RERG: variants seen among roughly 807,000 people sequenced by gnomAD.
The protein encoded by RERG is ras-related and estrogen-regulated growth inhibitor.
RERG carries 25 observed loss-of-function variants against 23.2 expected under a neutral mutation model. The observed-to-expected ratio is 1.08, with a 90% confidence interval of 0.79 to 1.50. The LOEUF (loss-of-function observed/expected upper bound fraction) is 1.50. Ranked by LOEUF, RERG falls within the 40% of genes most tolerant of loss-of-function variation. The pLI is 0.00. For missense variants in RERG, 253 were observed against 250.1 expected (o/e 1.01, Z -0.08); for synonymous variants, 81 against 89.1 (o/e 0.91, Z 0.51).
At chr12:15,195,997 C>T (rs192435235) in intron 2 of RERG, among the ~76,000 whole-genome samples, 30 of 152,252 alleles carry the variant, frequency 2.0e-4, no homozygotes, top group African/African-American at 7.2e-4. Context: ...CAATGGTTTG[C>T]ATATGTGCCC....
chr12:15,139,316 T>C (rs1479093672), intron 2 of RERG, among the ~76,000 whole-genome samples: 1 of 152,114 alleles, frequency 6.6e-6, no homozygotes, highest in Non-Finnish European at 1.5e-5. Context: ...TTTTTTTACC[T>C]TTCCATATAA....
chr12:15,185,044 C>T (rs1056582662), intron 2 of RERG, among the ~76,000 whole-genome samples: 1 of 152,166 alleles, frequency 6.6e-6, no homozygotes, highest in East Asian at 1.9e-4. Flanking sequence ...CACTTCATTC[C>T]TATGCAGGCA....
chr12:15,144,178 G>T (rs1864290124), intron 2 of RERG, among the ~76,000 whole-genome samples: 2 of 152,184 alleles, frequency 1.3e-5, no homozygotes, highest in Admixed American at 1.3e-4. Flanking sequence ...AAGAAAGACT[G>T]CAGGAAAAGC....
At chr12:15,178,685 G>A (rs999844919) in intron 2 of RERG, among the ~76,000 whole-genome samples, 2 of 152,066 alleles carry the variant, frequency 1.3e-5, no homozygotes, top group African/African-American at 4.8e-5. Context: ...TAAATTAAAT[G>A]ACTGCACTGA....
chr12:15,163,413 C>T (rs1864642109), intron 2 of RERG, among the ~76,000 whole-genome samples: 1 of 152,026 alleles, frequency 6.6e-6, no homozygotes, highest in African/African-American at 2.4e-5. Flanking sequence ...AACTAAGATT[C>T]GACATGAATG....
intron 3 of RERG, chr12:15,112,256 C>A (rs12815808): frequency 6.6e-6 from 1 of 152,004 alleles, no homozygotes; most frequent in South Asian, 2.1e-4. Flanking sequence ...TGTAAAACTA[C>A]GAGAAACTCT....
intron 2 of RERG, among the ~76,000 whole-genome samples, chr12:15,126,727 T>C (rs1326389354): frequency 6.9e-6 from 1 of 145,292 alleles, no homozygotes; most frequent in Non-Finnish European, 1.5e-5. Context: ...TTTCTTTCTT[T>C]TTTTTTTTTT....
At chr12:15,110,463 C>CTTTTTTTTTTTTTTTTTTTTTTT (rs869218147) in intron 4 of RERG, among the ~76,000 whole-genome samples, 1 of 73,080 alleles carries the variant, frequency 1.4e-5, no homozygotes, top group Non-Finnish European at 2.4e-5. Flanking sequence ...CCATTTTTTT[C>CTTTTTTTTTTTTTTTTTTTTTTT]TTTTTTTTTT....
intron 2 of RERG, among the ~76,000 whole-genome samples, chr12:15,175,331 C>CTGTG (rs1231946873): frequency 6.4e-5 from 7 of 109,374 alleles, no homozygotes; most frequent in Non-Finnish European, 1.2e-4. Context: ...TACTCTCAGG[C>CTGTG]TCTGTGTGTG....
intron 2 of RERG, among the ~76,000 whole-genome samples, chr12:15,177,560 C>T (rs1455946541): frequency 6.6e-6 from 1 of 152,134 alleles, no homozygotes; most frequent in Admixed American, 6.5e-5. Flanking sequence ...AATAGAATAC[C>T]TCAAAATCTC....
At chr12:15,178,972 C>A (rs1194650852) in intron 2 of RERG, among the ~76,000 whole-genome samples, 4 of 152,126 alleles carry the variant, frequency 2.6e-5, no homozygotes, top group Non-Finnish European at 5.9e-5. Flanking sequence ...AAATCCTAAC[C>A]TATTACTTTC....
At position 15,137,879 on chromosome 12, in the gene RERG, C is replaced by T. The variant is rs762898039; in HGVS notation, c.62-16760G>A. ...TGCTCTTCCTTTCTTTAAGTACAAT[C>T]CAGTTTCTGAGATGTATCATTCTCC... is the stretch of plus-strand genomic sequence containing the variant. On this transcript the variant is annotated intron_variant, in intron 2 of 4. Transcript: ENST00000256953. 31 of 447,680 alleles carry T rather than the reference C, an allele frequency of 6.9e-5. 1 individual carries two copies. Among genetic ancestry groups the T allele is most frequent in the Non-Finnish European group, 1.0e-4 (23 of 222,704 alleles). The allele number at this position is 447,680 out of a possible 1,614,324, so 27.7% of individuals were successfully genotyped here. A position where few individuals can be genotyped will look rare whatever the true frequency, so the allele number is the denominator to read the frequency against.
At chr12:15,111,860 G>A (rs1215497367) in intron 3 of RERG, among the ~76,000 whole-genome samples, 1 of 151,908 alleles carries the variant, frequency 6.6e-6, no homozygotes, top group Non-Finnish European at 1.5e-5. Flanking sequence ...ATTTTTAGTG[G>A]AGACAAGGTT....
chr12:15,189,985 G>A (rs1865046931), intron 2 of RERG, among the ~76,000 whole-genome samples: 1 of 152,136 alleles, frequency 6.6e-6, no homozygotes. Context: ...CTAGGTAGTA[G>A]TTTACAATGT....
At chr12:15,213,585 C>T (rs1311728761) in intron 2 of RERG, among the ~76,000 whole-genome samples, 1 of 152,152 alleles carries the variant, frequency 6.6e-6, no homozygotes, top group African/African-American at 2.4e-5. Context: ...AACAAGAATT[C>T]CCCCAATACA....
intron 2 of RERG, among the ~76,000 whole-genome samples, chr12:15,166,257 AG>A (rs1219963450): frequency 6.6e-6 from 1 of 152,222 alleles, no homozygotes; most frequent in Non-Finnish European, 1.5e-5. Context: ...CTAGATTGAA[AG>A]GTATTGAAAA....
intron 2 of RERG, among the ~76,000 whole-genome samples, chr12:15,210,021 T>A (rs868793711): frequency 4.6e-5 from 7 of 152,192 alleles, no homozygotes; most frequent in Non-Finnish European, 1.5e-5. Flanking sequence ...TCATTTTTCA[T>A]GGGATGGAAG....
chr12:15,150,859 A>T (rs7131893), intron 2 of RERG, among the ~76,000 whole-genome samples: 100,405 of 152,112 alleles, frequency 0.66, 33,284 homozygotes, highest in Admixed American at 0.75. Context: ...ACTGCTGTTC[A>T]CCAGGAGGCA....
chr12:15,176,923 T>A (rs191855082), intron 2 of RERG, among the ~76,000 whole-genome samples: 2,063 of 152,302 alleles, frequency 0.014, 44 homozygotes, highest in African/African-American at 0.046. Flanking sequence ...TACACTTTTT[T>A]AAATATTTTA....
Sources: allele counts gnomAD v4.1 joint callset (sites outside exome capture counted in the v4.1 genomes callset), GRCh38; gene constraint gnomAD v4.1.1; transcripts MANE v1.5; gene names NCBI Gene and HGNC (gene_info 2026-07-23, HGNC 2026-07-21).